The following DOCK8 variants were observed in gnomAD, a reference collection of about 807,000 sequenced individuals.
The protein encoded by DOCK8 is dedicator of cytokinesis 8.
DOCK8 carries 141 observed loss-of-function variants against 245.6 expected under a neutral mutation model. The ratio of observed to expected loss-of-function variants is 0.57; its 90% CI spans 0.50 to 0.66. DOCK8 has a LOEUF of 0.66. Ranked by LOEUF, DOCK8 falls within the 30% of genes least tolerant of loss-of-function variation. The pLI is 0.00. For synonymous variants in DOCK8, 1,168 were observed against 970.2 expected (o/e 1.20, Z -3.79); for missense variants, 2,965 against 2,603.4 (o/e 1.14, Z -3.02).
intron 24 of DOCK8, among the ~76,000 whole-genome samples, chr9:396,126 A>G (rs1321358311): frequency 6.6e-6 from 1 of 152,106 alleles, no homozygotes; most frequent in African/African-American, 2.4e-5. Flanking sequence ...GGAACTCAAA[A>G]TTTCCCCTAG....
At chr9:423,942 G>C (rs1204868877) in intron 33 of DOCK8, among the ~76,000 whole-genome samples, 1 of 152,026 alleles carries the variant, frequency 6.6e-6, no homozygotes, top group East Asian at 1.9e-4. Context: ...CACAATATTG[G>C]TCCTTACCAC....
At chr9:314,784 G>T (rs2050272645) in intron 6 of DOCK8, among the ~76,000 whole-genome samples, 1 of 149,972 alleles carries the variant, frequency 6.7e-6, no homozygotes, top group South Asian at 2.1e-4. Context: ...ACAAATGCTG[G>T]TTTTTTCGAT....
intron 9 of DOCK8, among the ~76,000 whole-genome samples, chr9:331,228 C>A (rs974182799): frequency 6.6e-6 from 1 of 152,198 alleles, no homozygotes; most frequent in African/African-American, 2.4e-5. Flanking sequence ...TAAACGATTG[C>A]TGATTAGCAG....
At chr9:233,701 C>T (rs1229354675) in intron 1 of DOCK8, among the ~76,000 whole-genome samples, 2 of 152,262 alleles carry the variant, frequency 1.3e-5, no homozygotes, top group African/African-American at 2.4e-5. Context: ...TCTGTTTCAT[C>T]AGAGACTAGG....
rs775818273 is a variant in DOCK8, at chr9:371,486, C to G, written c.1927C>G (p.His643Asp). The G allele has an allele frequency of 6.2e-7, 1 of 1,614,204 alleles. No individual in the cohort carries two copies. Among genetic ancestry groups the G allele is most frequent in the Non-Finnish European group, 8.5e-7 (1 of 1,180,030 alleles). The change falls in exon 17 of 48, where the codon CAC becomes GAC. Residue 643 changes from histidine (H) to aspartate (D), a missense_variant. Physicochemically the swap from His to Asp is moderately conservative, Grantham distance 81 (BLOSUM62 -1). Around this residue, in one of 3 missense-constraint regions of DOCK8, gnomAD observed 2,825 missense variants for 2,453.5 expected, o/e 1.15. Transcript: ENST00000432829. ...IKLPAKLTVNHHLLFTFYHIS... is the reference protein window; with the variant it reads ...IKLPAKLTVNDHLLFTFYHIS... ...GCTCCCCGCTAAGCTCACAGTAAAT[C>G]ACCACCTCCTGTTCACCTTCTACCA...
At chr9:311,898 G>A in intron 5 of DOCK8, 56 bp from the exon 6 acceptor site, 1 of 1,598,952 alleles carries the variant, frequency 6.3e-7, no homozygotes, top group Admixed American at 1.7e-5. Flanking sequence ...AGATTCTTCG[G>A]TTCTCATTTT....
chr9:371,718 A>G, intron 17 of DOCK8, 152 bp downstream of exon 17: 1 of 1,108,512 alleles, frequency 9.0e-7, no homozygotes, highest in Non-Finnish European at 1.3e-6. Context: ...GGCAGAAATG[A>G]TTTGCCTTAG....
At chr9:406,769 G>T (rs1264858685) in intron 27 of DOCK8, among the ~76,000 whole-genome samples, 161 bp from the exon 28 acceptor site, 2 of 149,154 alleles carry the variant, frequency 1.3e-5, no homozygotes, top group African/African-American at 5.0e-5. Flanking sequence ...TAACCACTCT[G>T]TGCCTCAGTT....
chr9:374,461 T>TG (rs909782980), intron 18 of DOCK8, among the ~76,000 whole-genome samples: 1 of 141,438 alleles, frequency 7.1e-6, no homozygotes, highest in Non-Finnish European at 1.5e-5. Flanking sequence ...GTGTTTTTTT[T>TG]TTTTTTTTTT....
At position 327,779 on chromosome 9, in the gene DOCK8, C is replaced by T. The variant is rs75614816; in HGVS notation, c.895-243C>T. 3.6e-3 allele frequency among the ~76,000 whole-genome samples: 554 copies of T among 152,220 alleles called. 4 individuals carry two copies. The highest frequency in any genetic ancestry group is 0.012 in the African/African-American group (499 of 41,522). On this transcript the variant is annotated intron_variant, in intron 8 of 47. Coordinates refer to ENST00000432829, the MANE Select transcript of DOCK8 (RefSeq NM_203447.4). ...GAAGTAACTGATACTCAGGAAATAC[C>T]GGTGGGTTAATAAACATTTAAATGT...
At chr9:232,261 G>C (rs1226426150) in intron 1 of DOCK8, among the ~76,000 whole-genome samples, 1 of 152,094 alleles carries the variant, frequency 6.6e-6, no homozygotes, top group Non-Finnish European at 1.5e-5. Flanking sequence ...TGATCATGGT[G>C]GATAAGCTTT....
chr9:302,680 G>A lies in DOCK8; in HGVS notation c.405-1901G>A, dbSNP rs140951562. Among the ~76,000 whole-genome samples, 362 of 152,202 alleles carry A rather than the reference G, an allele frequency of 2.4e-3. 2 individuals carry two copies. The highest frequency in any genetic ancestry group is 8.3e-3 in the African/African-American group (343 of 41,536). ...CAAAAAACCACCCCATTTAAAAATG[G>A]GCAAAGGACATGAACAGATACTTCT... is the stretch of plus-strand genomic sequence containing the variant. On this transcript the variant is annotated intron_variant, in intron 4 of 47. Coordinates refer to ENST00000432829, the MANE Select transcript of DOCK8 (RefSeq NM_203447.4).
chr9:346,803 T>C (rs2051911370), intron 14 of DOCK8, among the ~76,000 whole-genome samples: 1 of 150,260 alleles, frequency 6.7e-6, no homozygotes, highest in South Asian at 2.1e-4. Flanking sequence ...GTAGCATGCA[T>C]GCAGGACCTG....
In DOCK8 at chr9:444,021, C is replaced by G. The variant is rs143748279; in HGVS notation, c.5580+505C>G. On this transcript the variant is annotated intron_variant, in intron 43 of 47. Coordinates refer to ENST00000432829, the MANE Select transcript of DOCK8 (RefSeq NM_203447.4). Reference sequence around the variant, plus strand: ...CTTAGTGGCTTCCTTCTTTAGGCTGCAAGTATTCCTTCCATCCAAGTCCGG... The same window carrying G: ...CTTAGTGGCTTCCTTCTTTAGGCTGGAAGTATTCCTTCCATCCAAGTCCGG... Among the ~76,000 whole-genome samples, 53 of 152,266 alleles carry G rather than the reference C, an allele frequency of 3.5e-4. No individual in the cohort carries two copies. In the East Asian group the frequency reaches 0.01, roughly 29 times the overall value.
intron 28 of DOCK8, among the ~76,000 whole-genome samples, chr9:411,368 A>T (rs1027970737): frequency 6.6e-6 from 1 of 152,114 alleles, no homozygotes; most frequent in African/African-American, 2.4e-5. Context: ...AGCCAAGATC[A>T]TGCCAATGCA....
intron 34 of DOCK8, among the ~76,000 whole-genome samples, chr9:428,002 C>T (rs928171107): frequency 6.6e-6 from 1 of 152,172 alleles, no homozygotes; most frequent in Non-Finnish European, 1.5e-5. Flanking sequence ...CAAGCAGCCC[C>T]TGTTGTACTG....
At chr9:412,261 G>C (rs1367007320) in intron 28 of DOCK8, among the ~76,000 whole-genome samples, 1 of 151,960 alleles carries the variant, frequency 6.6e-6, no homozygotes, top group Non-Finnish European at 1.5e-5. Context: ...AAAATTAGCT[G>C]GGCATTGGTG....
intron 38 of DOCK8, 146 bp downstream of exon 38, chr9:434,121 G>T: frequency 1.5e-6 from 1 of 676,304 alleles, no homozygotes; most frequent in Non-Finnish European, 2.6e-6. Flanking sequence ...TAAACATTCA[G>T]AGTAGGTTAA....
At chr9:399,021 G>A in intron 25 of DOCK8, 125 bp from the exon 26 acceptor site, 1 of 837,638 alleles carries the variant, frequency 1.2e-6, no homozygotes, top group East Asian at 2.6e-5. Flanking sequence ...ACTTCGCCCA[G>A]TGCCACCCAG....
Sources: gnomAD v4.1 joint callset for allele counts (sites outside exome capture counted in the v4.1 genomes callset) on GRCh38, gnomAD v4.1.1 for gene constraint, gnomAD v4.1.1 regional missense constraint, MANE v1.5 for transcripts, NCBI Gene and HGNC (gene_info 2026-07-23, HGNC 2026-07-21) for gene names.